The following CSGALNACT1 variants were observed in gnomAD, a reference collection of about 807,000 sequenced individuals.
CSGALNACT1 encodes chondroitin sulfate N-acetylgalactosaminyltransferase 1.
In CSGALNACT1, 52 loss-of-function variants were observed where a neutral mutation model predicts 51.0. The observed-to-expected ratio is 1.02, with a 90% confidence interval of 0.82 to 1.29. CSGALNACT1 has a LOEUF of 1.29. CSGALNACT1 is among the 50% of genes most tolerant of loss of function. The pLI is 0.00. For missense variants in CSGALNACT1, 935 were observed against 679.2 expected, an observed-to-expected ratio of 1.38 and a Z score of -4.19; for synonymous variants, 341 against 254.4, an observed-to-expected ratio of 1.34 and a Z score of -3.24.
At chr8:19,638,280 C>G (rs2056345002) in intron 1 of CSGALNACT1, among the ~76,000 whole-genome samples, 1 of 152,174 alleles carries the variant, frequency 6.6e-6, no homozygotes, top group Non-Finnish European at 1.5e-5. Context: ...CCTGCCTCAA[C>G]TGTGTCTGCT....
chr8:19,565,681 G>A (rs745395102), intron 3 of CSGALNACT1, among the ~76,000 whole-genome samples: 3 of 152,180 alleles, frequency 2.0e-5, no homozygotes, highest in Non-Finnish European at 2.9e-5. Flanking sequence ...CACTTTGGGA[G>A]GCCAAGGTGG....
At chr8:19,639,249 A>G (rs1029588429) in intron 1 of CSGALNACT1, among the ~76,000 whole-genome samples, 4 of 152,222 alleles carry the variant, frequency 2.6e-5, no homozygotes, top group Non-Finnish European at 4.4e-5. Context: ...GGGAGAGGAG[A>G]AAGGCACAGC....
rs1370909489 is a variant in CSGALNACT1, at chr8:19,422,353, CA to C, written c.954-1836del. 3.3e-5 allele frequency among the ~76,000 whole-genome samples: 5 copies of C among 152,182 alleles called. No homozygotes were observed. In the East Asian group the frequency reaches 9.7e-4, roughly 29 times the overall value. ...GACTACAAGTGCATGCTACCATGCCCAGCTAATTCTTAAAAATTTTTTATAG... is the reference window on the plus strand; with the variant it reads ...GACTACAAGTGCATGCTACCATGCCCGCTAATTCTTAAAAATTTTTTATAG... On this transcript the variant is annotated intron_variant, in intron 6 of 9. Transcript: ENST00000454498.
Position 19,703,729 on chromosome 8 carries a change from G to C in CSGALNACT1, c.-297+54121C>G, listed in dbSNP as rs115797429. On this transcript the variant is annotated intron_variant, in intron 1 of 1. Coordinates refer to the CSGALNACT1 transcript ENST00000517494. ...AATACAAGAAATCCTCTCATGGTCT[G>C]CATGTCTCCCTGATTGATACAAAGT... Among the ~76,000 whole-genome samples the C allele has an allele frequency of 2.6e-3, 390 of 152,302 alleles. 1 individual carries two copies. Among genetic ancestry groups the C allele is most frequent in the African/African-American group, 8.4e-3 (351 of 41,552 alleles).
intron 4 of CSGALNACT1, among the ~76,000 whole-genome samples, chr8:19,489,776 G>A (rs1397762839): frequency 6.6e-6 from 1 of 152,136 alleles, no homozygotes; most frequent in Non-Finnish European, 1.5e-5. Flanking sequence ...AAACATAGCT[G>A]TGTGTCTCCA....
At chr8:19,625,489 A>T (rs1233021927) in intron 1 of CSGALNACT1, among the ~76,000 whole-genome samples, 2 of 152,180 alleles carry the variant, frequency 1.3e-5, no homozygotes, top group African/African-American at 4.8e-5. Context: ...CTCTTTTATC[A>T]TCCCAGGTTT....
intron 1 of CSGALNACT1, among the ~76,000 whole-genome samples, chr8:19,629,887 G>C (rs1432937535): frequency 6.6e-6 from 1 of 152,168 alleles, no homozygotes. Context: ...GAAGGAGTAA[G>C]CACGTGAGTC....
intron 1 of CSGALNACT1, among the ~76,000 whole-genome samples, chr8:19,695,866 G>C (rs1241299110): frequency 6.6e-6 from 1 of 151,726 alleles, no homozygotes; most frequent in South Asian, 2.1e-4. Flanking sequence ...ATTGGAGGAA[G>C]AAAAAAAATC....
chr8:19,420,823 C>A (rs976209906), intron 6 of CSGALNACT1, among the ~76,000 whole-genome samples: 1 of 152,128 alleles, frequency 6.6e-6, no homozygotes, highest in Non-Finnish European at 1.5e-5. Flanking sequence ...AAAACTTGAA[C>A]CAGGTAAGAC....
At chr8:19,721,086 C>T (rs2063102489) in intron 1 of CSGALNACT1, among the ~76,000 whole-genome samples, 2 of 152,234 alleles carry the variant, frequency 1.3e-5, no homozygotes, top group African/African-American at 4.8e-5. Context: ...CCAGCCCTCT[C>T]CTTTTCTGCT....
At chr8:19,540,680 C>T (rs532277282) in intron 3 of CSGALNACT1, among the ~76,000 whole-genome samples, 35 of 152,310 alleles carry the variant, frequency 2.3e-4, no homozygotes, top group Admixed American at 2.0e-3. Flanking sequence ...CTAGATTCTA[C>T]GCTTCAGCCA....
intron 3 of CSGALNACT1, among the ~76,000 whole-genome samples, chr8:19,509,974 G>C (rs971121773): frequency 6.6e-6 from 1 of 152,188 alleles, no homozygotes; most frequent in South Asian, 2.1e-4. Context: ...GGGACAGAGA[G>C]AGTAGGGAGC....
chr8:19,711,530 C>A (rs2062503571), intron 1 of CSGALNACT1, among the ~76,000 whole-genome samples: 1 of 152,152 alleles, frequency 6.6e-6, no homozygotes, highest in South Asian at 2.1e-4. Context: ...TATATGGAAG[C>A]TTTTACAGTA....
intron 1 of CSGALNACT1, among the ~76,000 whole-genome samples, chr8:19,737,560 T>C (rs1049219496): frequency 1.3e-4 from 19 of 149,834 alleles, no homozygotes; most frequent in African/African-American, 4.2e-4. Flanking sequence ...AACAATAGAA[T>C]GTGTAACTTC....
At chr8:19,640,101 A>C (rs1346220044) in intron 1 of CSGALNACT1, among the ~76,000 whole-genome samples, 1 of 151,958 alleles carries the variant, frequency 6.6e-6, no homozygotes, top group East Asian at 1.9e-4. Context: ...TGTTCAATGC[A>C]CCTGGGGGGA....
At chr8:19,487,685 C>G (rs1318673820) in intron 4 of CSGALNACT1, among the ~76,000 whole-genome samples, 1 of 152,100 alleles carries the variant, frequency 6.6e-6, no homozygotes, top group East Asian at 1.9e-4. Context: ...TACAAGTCAA[C>G]TATTCATGGT....
intron 1 of CSGALNACT1, among the ~76,000 whole-genome samples, chr8:19,631,294 G>A (rs7008647): frequency 6.6e-6 from 1 of 151,958 alleles, no homozygotes; most frequent in Non-Finnish European, 1.5e-5. Flanking sequence ...CTTCCCAAGT[G>A]GCTATACCAT....
chr8:19,477,065 G>A (rs931767939), intron 4 of CSGALNACT1, among the ~76,000 whole-genome samples: 1 of 152,148 alleles, frequency 6.6e-6, no homozygotes, highest in Non-Finnish European at 1.5e-5. Flanking sequence ...GCAATAACTG[G>A]AACACATGTA....
intron 4 of CSGALNACT1, among the ~76,000 whole-genome samples, chr8:19,492,988 A>C (rs1409149278): frequency 6.6e-6 from 1 of 152,144 alleles, no homozygotes; most frequent in Non-Finnish European, 1.5e-5. Flanking sequence ...GGTTACGATC[A>C]AGCACTGACA....
Sources: allele counts gnomAD v4.1 joint callset (sites outside exome capture counted in the v4.1 genomes callset), GRCh38; gene constraint gnomAD v4.1.1; transcripts MANE v1.5; gene names NCBI Gene and HGNC (gene_info 2026-07-23, HGNC 2026-07-21).